STARD13: variants seen among roughly 807,000 people sequenced by gnomAD.
STARD13 encodes the protein stAR-related lipid transfer protein 13.
STARD13 carries 62 observed loss-of-function variants against 106.4 expected under a neutral mutation model. That is an observed-to-expected ratio of 0.58 (90% CI 0.48 to 0.72). STARD13 has a LOEUF of 0.72. Ranked by LOEUF, STARD13 falls within the 30% of genes least tolerant of loss-of-function variation. The pLI is 0.00. For missense variants in STARD13, 1,387 were observed against 1,424.0 expected (o/e 0.97, Z 0.42); for synonymous variants, 565 against 553.0 (o/e 1.02, Z -0.31).
intron 1 of STARD13, among the ~76,000 whole-genome samples, chr13:33,227,333 C>T (rs1888678232): frequency 1.3e-5 from 2 of 152,218 alleles, no homozygotes. Flanking sequence ...GGTAGTTCAA[C>T]CATATGTGGA....
chr13:33,466,900 C>A, the STARD13 span, among the ~76,000 whole-genome samples: 3 of 152,162 alleles, frequency 2.0e-5, no homozygotes, highest in East Asian at 3.9e-4. Flanking sequence ...TTAAGACAAT[C>A]CCAATTCAGA....
intron 1 of STARD13, among the ~76,000 whole-genome samples, chr13:33,255,787 C>G (rs1359868690): frequency 6.6e-6 from 1 of 152,162 alleles, no homozygotes; most frequent in African/African-American, 2.4e-5. Flanking sequence ...CAAACCCTTG[C>G]TTGCAACTGT....
At chr13:33,306,842 C>T (rs1457474629) in intron 1 of STARD13, among the ~76,000 whole-genome samples, 8 of 151,928 alleles carry the variant, frequency 5.3e-5, no homozygotes, top group Admixed American at 6.6e-5. Flanking sequence ...CCCAGCTACT[C>T]GGGAGGCTGA....
chr13:33,125,062 A>G (rs73176882), intron 7 of STARD13, among the ~76,000 whole-genome samples: 9,841 of 152,238 alleles, frequency 0.065, 423 homozygotes, highest in South Asian at 0.1. Context: ...AGTTACTGCT[A>G]TTTTTCTGCA....
chr13:33,158,324 C>G (rs963955556), intron 3 of STARD13, among the ~76,000 whole-genome samples: 1 of 152,204 alleles, frequency 6.6e-6, no homozygotes, highest in Non-Finnish European at 1.5e-5. Context: ...AAAAAGGTAA[C>G]ACTGCTTAAC....
At chr13:33,499,597 CTTCTTCTTTCTTCTT>C in the STARD13 span, among the ~76,000 whole-genome samples, 87 of 59,524 alleles carry the variant, frequency 1.5e-3, 1 homozygote, top group East Asian at 2.4e-3. Flanking sequence ...TCTTCTTCTT[CTTCTTCTTTCTTCTT>C]CTTCTTCTTC....
chr13:33,223,913 T>C (rs1888484317), intron 1 of STARD13, among the ~76,000 whole-genome samples: 1 of 152,176 alleles, frequency 6.6e-6, no homozygotes, highest in Non-Finnish European at 1.5e-5. Flanking sequence ...TATTAAATGA[T>C]CACTAAATAT....
At chr13:33,271,031 A>G (rs1891134691) in intron 1 of STARD13, among the ~76,000 whole-genome samples, 1 of 152,186 alleles carries the variant, frequency 6.6e-6, no homozygotes, top group Non-Finnish European at 1.5e-5. Context: ...AGGTCTGTTT[A>G]TTATTTTTGA....
chr13:33,529,147 C>CA, the STARD13 span, among the ~76,000 whole-genome samples: 11 of 151,346 alleles, frequency 7.3e-5, no homozygotes, highest in Non-Finnish European at 1.3e-4. Flanking sequence ...TTGAATACTG[C>CA]AAAAAAAAGG....
chr13:33,304,118 A>T (rs979205929), intron 1 of STARD13, among the ~76,000 whole-genome samples: 6 of 152,260 alleles, frequency 3.9e-5, no homozygotes, highest in Admixed American at 6.5e-5. Flanking sequence ...CACGTTGTGA[A>T]ATCCACTCAC....
chr13:33,339,542 C>T (rs1433131105), intron 1 of STARD13, among the ~76,000 whole-genome samples: 3 of 152,140 alleles, frequency 2.0e-5, no homozygotes, highest in East Asian at 1.9e-4. Flanking sequence ...TAGCTTCCAC[C>T]CCTTTCCCAC....
chr13:33,126,780 TA>T (rs112305980), intron 6 of STARD13, among the ~76,000 whole-genome samples: 2 of 152,226 alleles, frequency 1.3e-5, no homozygotes, highest in East Asian at 1.9e-4. Context: ...ATTGATTTTT[TA>T]AATATGTATA....
intron 1 of STARD13, among the ~76,000 whole-genome samples, chr13:33,173,020 T>G (rs1364245197): frequency 1.3e-5 from 2 of 151,098 alleles, no homozygotes; most frequent in Non-Finnish European, 3.0e-5. Flanking sequence ...TTGAGTAGAG[T>G]GTTTTGTCTT....
the STARD13 span, among the ~76,000 whole-genome samples, chr13:33,600,425 T>C: frequency 1.3e-5 from 2 of 152,362 alleles, no homozygotes; most frequent in South Asian, 2.1e-4. Context: ...ATTTTGGTTA[T>C]ATAGAAGAAA....
At chr13:33,654,247 C>T in the STARD13 span, among the ~76,000 whole-genome samples, 13 of 152,262 alleles carry the variant, frequency 8.5e-5, 1 homozygote, top group South Asian at 2.7e-3. Context: ...TGTCCATCAT[C>T]TGATGAATTG....
At chr13:33,329,582 T>G (rs2077813357) in intron 1 of STARD13, among the ~76,000 whole-genome samples, 1 of 152,300 alleles carries the variant, frequency 6.6e-6, no homozygotes, top group Admixed American at 6.5e-5. Flanking sequence ...TTCCTCCAGC[T>G]TCATCCATGT....
At chr13:33,184,295 TG>T (rs1427950212) in intron 1 of STARD13, among the ~76,000 whole-genome samples, 2 of 152,150 alleles carry the variant, frequency 1.3e-5, no homozygotes, top group African/African-American at 4.8e-5. Flanking sequence ...GACAGGTCTG[TG>T]GTGGTTGGGG....
the STARD13 span, among the ~76,000 whole-genome samples, chr13:33,637,050 AC>A: frequency 2.0e-5 from 3 of 152,186 alleles, no homozygotes; most frequent in Non-Finnish European, 4.4e-5. Flanking sequence ...AATGAATAGT[AC>A]CCTTACTCAT....
chr13:33,606,718 A>G, the STARD13 span, among the ~76,000 whole-genome samples: 1 of 152,260 alleles, frequency 6.6e-6, no homozygotes, highest in Middle Eastern at 3.2e-3. Flanking sequence ...GTGGCTTAAA[A>G]TAACACAAAT....
Sources: gnomAD v4.1 joint callset for allele counts (sites outside exome capture counted in the v4.1 genomes callset) on GRCh38, gnomAD v4.1.1 for gene constraint, MANE v1.5 for transcripts, NCBI Gene and HGNC (gene_info 2026-07-23, HGNC 2026-07-21) for gene names.